WDR88: variants seen among roughly 807,000 people sequenced by gnomAD.
The protein encoded by WDR88 is WD repeat-containing protein 88.
WDR88 carries 40 observed loss-of-function variants against 46.8 expected under a neutral mutation model. The observed-to-expected ratio is 0.86, with a 90% CI of 0.66 to 1.11. The LOEUF is 1.11. Ranked by LOEUF, WDR88 falls within the 50% of genes most tolerant of loss-of-function variation. The probability of loss-of-function intolerance (pLI) is 0.00; values close to 1 mark genes in which losing one functional copy is unlikely to be tolerated. For missense variants in WDR88, 562 were observed against 602.4 expected (o/e 0.93, Z 0.70); for synonymous variants, 235 against 240.7 (o/e 0.98, Z 0.22).
At chr19:33,159,330 C>T (rs1216861897) in intron 7 of WDR88, among the ~76,000 whole-genome samples, 1 of 144,860 alleles carries the variant, frequency 6.9e-6, no homozygotes, top group Non-Finnish European at 1.5e-5. Flanking sequence ...AAGACCTTAT[C>T]TCTAAAAATA....
chr19:33,175,086 T>A, intron 10 of WDR88: 1 of 863,392 alleles, frequency 1.2e-6, no homozygotes, highest in Non-Finnish European at 1.4e-6. Context: ...AATACAAAAA[T>A]TAGCAGGATG....
intron 7 of WDR88, among the ~76,000 whole-genome samples, chr19:33,157,551 G>A (rs1449913431): frequency 2.3e-5 from 3 of 128,252 alleles, no homozygotes; most frequent in Non-Finnish European, 4.8e-5. Context: ...GTATATATAT[G>A]TGTATATATA....
intron 5 of WDR88, among the ~76,000 whole-genome samples, chr19:33,150,681 T>C (rs897754598): frequency 6.6e-6 from 1 of 152,244 alleles, no homozygotes; most frequent in Middle Eastern, 3.2e-3. Flanking sequence ...CCCCACAGCT[T>C]CCCTAATAGC....
At chr19:33,166,181 G>A (rs997897331) in intron 9 of WDR88, among the ~76,000 whole-genome samples, 5 of 151,728 alleles carry the variant, frequency 3.3e-5, no homozygotes, top group Admixed American at 1.3e-4. Flanking sequence ...GGGAGGCTGA[G>A]GTGGGAGGAT....
chr19:33,152,252 T>TATAC (rs1215694245), intron 6 of WDR88, among the ~76,000 whole-genome samples: 15 of 151,594 alleles, frequency 9.9e-5, no homozygotes, highest in African/African-American at 3.4e-4. Context: ...TATATATATA[T>TATAC]ACACGCACAC....
At chr19:33,174,446 C>A in intron 10 of WDR88, 1 of 1,371,152 alleles carries the variant, frequency 7.3e-7, no homozygotes, top group Non-Finnish European at 9.4e-7. Flanking sequence ...CCTGAGGGGC[C>A]TCTGCCCATG....
rs1974106386 is a variant in WDR88 at position 33,175,421 on chromosome 19, CCATCTT to C, written c.1271_1276del (p.Ile424_Phe425del). 1.2e-6 allele frequency: 2 copies of C among 1,614,154 alleles called. No individual in the cohort carries two copies. Among genetic ancestry groups the C allele is most frequent in the Non-Finnish European group, 1.7e-6 (2 of 1,180,020 alleles). ...TGCGAAAGATGTGACAGGCCTTTCT[CCATCTT>C]CAAGAGTGACACCTCTTCTGAAATG... On this transcript the variant is annotated inframe_deletion, in exon 11 of 11. Transcript: ENST00000355868.
intron 3 of WDR88, among the ~76,000 whole-genome samples, chr19:33,146,978 T>C (rs1257275982): frequency 2.0e-5 from 3 of 150,154 alleles, no homozygotes; most frequent in Non-Finnish European, 4.5e-5. Flanking sequence ...TGGCTTATTC[T>C]TGTAATTCCA....
At chr19:33,160,239 A>G (rs1973842097) in intron 7 of WDR88, among the ~76,000 whole-genome samples, 175 bp from the exon 8 acceptor site, 1 of 152,148 alleles carries the variant, frequency 6.6e-6, no homozygotes, top group Admixed American at 6.6e-5. Context: ...TGACTACTGT[A>G]AATGATAAGA....
intron 10 of WDR88, chr19:33,174,304 T>C (rs1430475996): frequency 6.6e-7 from 1 of 1,525,496 alleles, no homozygotes; most frequent in East Asian, 2.5e-5. Context: ...CAGGTAGGGT[T>C]TACCCCCCTC....
chr19:33,162,922 G>A (rs1973893115), intron 8 of WDR88, among the ~76,000 whole-genome samples: 1 of 151,970 alleles, frequency 6.6e-6, no homozygotes, highest in Admixed American at 6.6e-5. Context: ...AATGGGTAGG[G>A]CGCAGTGGCT....
Position 33,172,369 on chromosome 19 carries a change from A to T in WDR88, c.1171A>T (p.Asn391Tyr). ...TTAGGATAGGACCATGAGACTGTGGAATATTGAAGAAATTGATGAAATTCC... is the reference window on the plus strand; with the variant it reads ...TTAGGATAGGACCATGAGACTGTGGTATATTGAAGAAATTGATGAAATTCC... ...ASKDRTMRLW[N>Y]IEEIDEIPLV... The change falls in exon 10 of 11, where the codon AAT becomes TAT. Residue 391 changes from asparagine to tyrosine, a missense_variant. Coordinates refer to ENST00000355868, the MANE Select transcript of WDR88 (RefSeq NM_173479.4). 1 of 1,613,922 alleles carries T rather than the reference A, an allele frequency of 6.2e-7. No homozygotes were observed. The highest frequency in any genetic ancestry group is 8.5e-7 in the Non-Finnish European group (1 of 1,179,954).
At chr19:33,135,912 C>A (rs185276001) in intron 1 of WDR88, among the ~76,000 whole-genome samples, 1 of 149,934 alleles carries the variant, frequency 6.7e-6, no homozygotes, top group East Asian at 2.0e-4. Context: ...TTTTTTAAGA[C>A]GAAGTCTTGC....
In WDR88 at chr19:33,175,602, C is replaced by T; in HGVS notation, c.*30C>T. On this transcript the variant is annotated 3_prime_UTR_variant, in exon 11 of 11. Transcript: ENST00000355868. ...CACAGGCCCCTTTGAGTGACTCCAG[C>T]ACAGGCTACCTAGCATGTAGGTTTC... 6.2e-7 allele frequency: 1 copy of T among 1,612,994 alleles called. No homozygotes were observed. The highest frequency in any genetic ancestry group is 8.5e-7 in the Non-Finnish European group (1 of 1,179,480).
At chr19:33,160,367 GC>G (rs1973844730) in intron 7 of WDR88, 46 bp from the exon 8 acceptor site, 1 of 1,602,554 alleles carries the variant, frequency 6.2e-7, no homozygotes, top group Non-Finnish European at 8.5e-7. Flanking sequence ...GGCTCACTTG[GC>G]TTGGAAAGTT....
In WDR88 at chr19:33,136,442, C is replaced by T. The variant is rs182810578; in HGVS notation, c.277-1235C>T. 3.2e-3 allele frequency among the ~76,000 whole-genome samples: 484 copies of T among 152,130 alleles called. 3 individuals are homozygous for T. The highest frequency in any genetic ancestry group is 0.011 in the African/African-American group (440 of 41,502). ...CTGACCTCAGGTGATCCGCCTGCCT[C>T]GGTCTCCCAAAGTGCTGGGATTACA... On this transcript the variant is annotated intron_variant, in intron 1 of 10. Transcript: ENST00000355868.
chr19:33,141,680 T>G (rs1296049026), intron 2 of WDR88, among the ~76,000 whole-genome samples: 1 of 152,114 alleles, frequency 6.6e-6, no homozygotes, highest in Non-Finnish European at 1.5e-5. Flanking sequence ...AAAGGGTTTT[T>G]TGTTTGTTTG....
chr19:33,174,555 T>C (rs1974093015), intron 10 of WDR88: 1 of 984,578 alleles, frequency 1.0e-6, no homozygotes. Context: ...CTGTGAGCTT[T>C]GGCCAGAAAC....
chr19:33,147,549 G>T, intron 3 of WDR88, 96 bp from the exon 4 acceptor site: 1 of 1,178,192 alleles, frequency 8.5e-7, no homozygotes. Flanking sequence ...GTTGCAGTGA[G>T]CCGGTATTGC....
Sources: gnomAD v4.1 joint callset for allele counts (sites outside exome capture counted in the v4.1 genomes callset) on GRCh38, gnomAD v4.1.1 for gene constraint, MANE v1.5 for transcripts, NCBI Gene and HGNC (gene_info 2026-07-23, HGNC 2026-07-21) for gene names.